XIRP2: variants seen among roughly 807,000 people sequenced by gnomAD.
XIRP2 encodes the protein xin actin binding repeat containing 2.
Under a neutral mutation model 277.0 loss-of-function variants are expected in XIRP2, and 236 were observed. That is an observed-to-expected ratio of 0.85 (90% CI 0.77 to 0.95). The LOEUF is 0.95. Among genes scored for constraint, XIRP2 ranks in the 40% least tolerant of loss-of-function variants. The pLI, the probability that XIRP2 is intolerant of heterozygous loss-of-function variation, is 0.00. For missense variants in XIRP2, 4,640 were observed against 4,157.5 expected (o/e 1.12, Z -3.19); for synonymous variants, 1,490 against 1,416.5 (o/e 1.05, Z -1.17).
At chr2:167,032,925 C>G (rs1688407046) in intron 2 of XIRP2, among the ~76,000 whole-genome samples, 1 of 152,018 alleles carries the variant, frequency 6.6e-6, no homozygotes, top group African/African-American at 2.4e-5. Flanking sequence ...ACCATTTGAC[C>G]CAGCAATCCC....
intron 2 of XIRP2, among the ~76,000 whole-genome samples, chr2:167,085,789 T>G (rs894587232): frequency 1.2e-4 from 19 of 152,180 alleles, no homozygotes; most frequent in East Asian, 1.9e-4. Context: ...GTTTTCCATT[T>G]GCTTGGTAGA....
chr2:166,975,192 A>G (rs1686679109), intron 2 of XIRP2, among the ~76,000 whole-genome samples: 1 of 152,232 alleles, frequency 6.6e-6, no homozygotes, highest in Non-Finnish European at 1.5e-5. Context: ...ATAGATCTAC[A>G]ACAGTTGATG....
chr2:167,076,829 A>C (rs1359858995), intron 2 of XIRP2, among the ~76,000 whole-genome samples: 1 of 151,978 alleles, frequency 6.6e-6, no homozygotes, highest in Non-Finnish European at 1.5e-5. Flanking sequence ...GTATTTATTT[A>C]TTTGGTTTTG....
chr2:167,179,867 C>T (rs1238303336), intron 3 of XIRP2, among the ~76,000 whole-genome samples: 1 of 152,044 alleles, frequency 6.6e-6, no homozygotes, highest in East Asian at 1.9e-4. Flanking sequence ...AGGCTCTTCT[C>T]AAACTCCTGG....
chr2:167,173,647 C>CA (rs1298850356), intron 3 of XIRP2, among the ~76,000 whole-genome samples: 1 of 152,092 alleles, frequency 6.6e-6, no homozygotes, highest in South Asian at 2.1e-4. Context: ...GAAATATACC[C>CA]AGCAGTGGGA....
rs763766454 is a variant in XIRP2, at chr2:167,245,957, T to C, written c.4565T>C (p.Val1522Ala). The C allele has an allele frequency of 1.2e-6, 2 of 1,613,700 alleles. No individual in the cohort carries two copies. The highest frequency in any genetic ancestry group is 1.7e-6 in the Non-Finnish European group (2 of 1,179,756). ...MTKEEIPPSDVKTTTWLFETT... is the reference protein window; with the variant it reads ...MTKEEIPPSDAKTTTWLFETT... ...AAGGAAGAAATCCCTCCTTCTGATG[T>C]CAAAACAACCACATGGCTCTTTGAA... The change falls in exon 9 of 11, where the codon GTC (valine) becomes GCC (alanine). Residue 1522 changes from valine (V) to alanine (A), a missense_variant. Transcript: ENST00000409195.
Position 167,251,012 on chromosome 2 carries a change from T to C in XIRP2, c.9620T>C (p.Ile3207Thr), listed in dbSNP as rs774046335. 7 of 1,613,530 alleles carry C rather than the reference T, an allele frequency of 4.3e-6. No individual in the cohort carries two copies. In the South Asian group the frequency reaches 4.4e-5, roughly 10 times the overall value. Residue 3207 changes from isoleucine to threonine, a missense_variant, in exon 9 of 11, where the codon ATT becomes ACT. Coordinates refer to ENST00000409195, the MANE Select transcript of XIRP2 (RefSeq NM_152381.6). ...IPCPAATPVP[I>T]VEKRSEIIMS... ...TGTCCAGCAGCAACCCCGGTTCCAA[T>C]TGTAGAGAAGAGGTCTGAAATCATC... is the stretch of plus-strand genomic sequence containing the variant.
intron 3 of XIRP2, among the ~76,000 whole-genome samples, chr2:167,153,121 A>C (rs1692064561): frequency 6.6e-6 from 1 of 152,130 alleles, no homozygotes; most frequent in African/African-American, 2.4e-5. Flanking sequence ...TGATTCAATT[A>C]ATTGATTAAT....
At chr2:166,973,758 C>A (rs1423972071) in intron 2 of XIRP2, among the ~76,000 whole-genome samples, 1 of 152,030 alleles carries the variant, frequency 6.6e-6, no homozygotes, top group Admixed American at 6.6e-5. Flanking sequence ...TCATTTATGT[C>A]GTTAAAGAAG....
chr2:167,105,168 A>G (rs1282008503), intron 2 of XIRP2, among the ~76,000 whole-genome samples: 2 of 151,958 alleles, frequency 1.3e-5, no homozygotes, highest in African/African-American at 4.8e-5. Flanking sequence ...TGCACCCTTT[A>G]TTCAATTTCC....
intron 2 of XIRP2, among the ~76,000 whole-genome samples, chr2:167,091,547 A>G (rs1266339369): frequency 6.6e-6 from 1 of 151,980 alleles, no homozygotes; most frequent in East Asian, 1.9e-4. Context: ...TAAATATTTC[A>G]AGTTCTTTCC....
intron 3 of XIRP2, chr2:167,184,638 T>G: frequency 1.4e-6 from 1 of 716,884 alleles, no homozygotes; most frequent in South Asian, 1.5e-5. Flanking sequence ...TCAACTTATA[T>G]TTGTAAGGTT....
At chr2:167,160,670 T>C (rs895529176) in intron 3 of XIRP2, among the ~76,000 whole-genome samples, 2 of 152,136 alleles carry the variant, frequency 1.3e-5, no homozygotes, top group South Asian at 2.1e-4. Flanking sequence ...TGCCTCCCAC[T>C]GGGTCCCTTC....
Position 167,251,961 on chromosome 2 carries a change from C to T in XIRP2, c.10555+14C>T. 1 of 1,533,202 alleles carries T rather than the reference C, an allele frequency of 6.5e-7. No individual in the cohort carries two copies. Among genetic ancestry groups the T allele is most frequent in the Non-Finnish European group, 8.7e-7 (1 of 1,147,548 alleles). The allele number at this position is 1,533,202 out of a possible 1,614,324, so 95.0% of individuals were successfully genotyped here. On this transcript the variant is annotated intron_variant, in intron 9 of 10. Transcript: ENST00000409195. ...CATTTATAAGTGGTAAATGAGCTTG[C>T]AATGTGTTAAAGAAGATTAACCATT...
intron 2 of XIRP2, among the ~76,000 whole-genome samples, chr2:166,971,758 T>C (rs547578060): frequency 2.4e-4 from 37 of 152,226 alleles, no homozygotes; most frequent in African/African-American, 8.4e-4. Context: ...TAGCTTTTCA[T>C]AGGAAAATAA....
intron 2 of XIRP2, among the ~76,000 whole-genome samples, chr2:166,933,715 A>G (rs1173122177): frequency 6.6e-6 from 1 of 152,186 alleles, no homozygotes; most frequent in Non-Finnish European, 1.5e-5. Context: ...AATATAGCCA[A>G]GACAATCCTG....
chr2:166,947,452 C>T (rs980112972), intron 2 of XIRP2, among the ~76,000 whole-genome samples: 2 of 152,070 alleles, frequency 1.3e-5, no homozygotes, highest in African/African-American at 4.8e-5. Flanking sequence ...CCTTGGTATT[C>T]TTCATAAGCC....
At chr2:167,173,133 C>A (rs1227883471) in intron 3 of XIRP2, among the ~76,000 whole-genome samples, 1 of 152,148 alleles carries the variant, frequency 6.6e-6, no homozygotes, top group Non-Finnish European at 1.5e-5. Flanking sequence ...TTAAAAACAA[C>A]CCAATTATGC....
Position 167,243,017 on chromosome 2 carries a change from C to A in XIRP2, c.1625C>A (p.Ala542Asp), listed in dbSNP as rs1350637221. The A allele has an allele frequency of 1.2e-6, 2 of 1,613,934 alleles. No individual in the cohort carries two copies. Among genetic ancestry groups the A allele is most frequent in the East Asian group, 2.2e-5 (1 of 44,846 alleles). ...GSSVSADVQQ[A>D]RYVFENTNDS... ...TCAGTCTCAGCAGATGTGCAACAAGCCCGGTATGTTTTTGAAAACACAAAT... is the reference window on the plus strand; with the variant it reads ...TCAGTCTCAGCAGATGTGCAACAAGACCGGTATGTTTTTGAAAACACAAAT... The change falls in exon 9 of 11, where the codon GCC becomes GAC. Residue 542 changes from alanine to aspartate, a missense_variant. Physicochemically the swap from Ala to Asp is moderately radical, Grantham distance 126. Transcript: ENST00000409195.
Sources: allele counts gnomAD v4.1 joint callset (sites outside exome capture counted in the v4.1 genomes callset), GRCh38; gene constraint gnomAD v4.1.1; transcripts MANE v1.5; gene names NCBI Gene and HGNC (gene_info 2026-07-23, HGNC 2026-07-21).